The following ZDHHC4 variants were observed in gnomAD, a reference collection of about 807,000 sequenced individuals.
ZDHHC4 encodes palmitoyltransferase ZDHHC4.
In ZDHHC4, 42 loss-of-function variants were observed where a neutral mutation model predicts 36.7. That is an observed-to-expected ratio of 1.14 (90% CI 0.89 to 1.48). ZDHHC4 has a LOEUF of 1.48. ZDHHC4 is among the 40% of genes most tolerant of loss of function. The probability of loss-of-function intolerance (pLI) is 0.00; values close to 1 mark genes in which losing one functional copy is unlikely to be tolerated. For missense variants in ZDHHC4, 457 were observed against 421.5 expected (o/e 1.08, Z -0.74); for synonymous variants, 189 against 166.6 (o/e 1.13, Z -1.03).
At chr7:6,587,561 C>T (rs945055187) in intron 7 of ZDHHC4, among the ~76,000 whole-genome samples, 1 of 152,140 alleles carries the variant, frequency 6.6e-6, no homozygotes, top group Admixed American at 6.6e-5. Context: ...TTGTTTTTAC[C>T]CAAACAAGAT....
rs1185342185 is a variant in ZDHHC4, at chr7:6,583,369, T to C, written c.434T>C (p.Phe145Ser). The part of the protein sequence containing the change: ...LHVYEFDEVM[F>S]PKNVRCSTCD... ...GTTTATGAATTTGATGAAGTGATGT[T>C]TCCAAAGAACGTGAGGTGCTCTACT... The change falls in exon 6 of 8, where the codon TTT becomes TCT. Residue 145 changes from phenylalanine to serine, a missense_variant. Transcript: ENST00000335965. The C allele has an allele frequency of 6.2e-7, 1 of 1,613,926 alleles. No homozygotes were observed. The highest frequency in any genetic ancestry group is 8.5e-7 in the Non-Finnish European group (1 of 1,179,972).
At chr7:6,581,412 A>T (rs1304691227) in intron 3 of ZDHHC4, among the ~76,000 whole-genome samples, 195 bp from the exon 4 acceptor site, 1 of 152,204 alleles carries the variant, frequency 6.6e-6, no homozygotes, top group African/African-American at 2.4e-5. Flanking sequence ...CAGACTAGAA[A>T]TGGAGTTGGC....
At chr7:6,578,477 C>G (rs139144269) in intron 1 of ZDHHC4, 89 bp from the exon 2 acceptor site, 1 of 152,370 alleles carries the variant, frequency 6.6e-6, no homozygotes, top group East Asian at 1.9e-4. Context: ...TGAAAATCCC[C>G]TACTTCCAAA....
intron 2 of ZDHHC4, among the ~76,000 whole-genome samples, chr7:6,579,945 G>A (rs1159231343): frequency 6.6e-6 from 1 of 151,920 alleles, no homozygotes; most frequent in Non-Finnish European, 1.5e-5. Context: ...AGACCAGCCT[G>A]GCCAACATGG....
chr7:6,582,122 A>G lies in ZDHHC4; in HGVS notation c.241A>G (p.Thr81Ala), dbSNP rs1195421616. The G allele has an allele frequency of 1.9e-6, 3 of 1,614,214 alleles. No individual in the cohort carries two copies. Among genetic ancestry groups the G allele is most frequent in the Non-Finnish European group, 2.5e-6 (3 of 1,180,046 alleles). The stretch of plus-strand genomic sequence containing the variant: ...CCTGGTCTTGCAAGGGATGGTTTAT[A>G]CTGAGTACACCTGGGAAGTATTTGG... ...LHLVLQGMVY[T>A]EYTWEVFGYC... The change falls in exon 5 of 8, where the codon ACT becomes GCT. Residue 81 changes from threonine (T) to alanine (A), a missense_variant. Thr to Ala is a moderately conservative substitution (Grantham distance 58, BLOSUM62 0). Coordinates refer to ENST00000335965, the MANE Select transcript of ZDHHC4 (RefSeq NM_001134389.2).
Position 6,582,069 on chromosome 7 carries a change from T to G in ZDHHC4, c.192-4T>G. ...ATGAACAAGCCATGCCTGTTTTCTT[T>G]CAGAAACCACACCTTCATTGTCCTG... On this transcript the variant is annotated splice_polypyrimidine_tract_variant and splice_region_variant and intron_variant, in intron 4 of 7. Transcript: ENST00000335965. 6.2e-7 allele frequency: 1 copy of G among 1,609,600 alleles called. No homozygotes were observed. Among genetic ancestry groups the G allele is most frequent in the Non-Finnish European group, 8.5e-7 (1 of 1,176,884 alleles).
In ZDHHC4 at chr7:6,582,125, G is replaced by A. The variant is rs1780895924; in HGVS notation, c.244G>A (p.Glu82Lys). 9 of 1,614,040 alleles carry A rather than the reference G, an allele frequency of 5.6e-6. No individual in the cohort carries two copies. Among genetic ancestry groups the A allele is most frequent in the Non-Finnish European group, 7.6e-6 (9 of 1,180,052 alleles). ...HLVLQGMVYT[E>K]YTWEVFGYCQ... ...GGTCTTGCAAGGGATGGTTTATACTGAGTACACCTGGGAAGTATTTGGCTA... is the reference window on the plus strand; with the variant it reads ...GGTCTTGCAAGGGATGGTTTATACTAAGTACACCTGGGAAGTATTTGGCTA... Residue 82 changes from glutamate to lysine, a missense_variant, in exon 5 of 8, where the codon GAG becomes AAG. Glu to Lys is a moderately conservative substitution (Grantham distance 56). Coordinates refer to ENST00000335965, the MANE Select transcript of ZDHHC4 (RefSeq NM_001134389.2).
In ZDHHC4 at chr7:6,580,535, C is replaced by A. The variant is rs375823123; in HGVS notation, c.-7-20C>A. On this transcript the variant is annotated intron_variant, in intron 2 of 7. Coordinates refer to ENST00000335965, the MANE Select transcript of ZDHHC4 (RefSeq NM_001134389.2). ...AACCTTTCAGTAGCAGATAGTCACACTCTTTCTGTTCCTTTGTAGCTGCAG... is the reference window on the plus strand; with the variant it reads ...AACCTTTCAGTAGCAGATAGTCACAATCTTTCTGTTCCTTTGTAGCTGCAG... The A allele has an allele frequency of 3.1e-6, 5 of 1,598,908 alleles. No individual in the cohort carries two copies. Among genetic ancestry groups the A allele is most frequent in the Non-Finnish European group, 4.3e-6 (5 of 1,166,190 alleles).
intron 2 of ZDHHC4, among the ~76,000 whole-genome samples, chr7:6,579,335 G>A (rs1483684340): frequency 6.6e-6 from 1 of 151,930 alleles, no homozygotes; most frequent in Non-Finnish European, 1.5e-5. Flanking sequence ...TGAGTCGCTG[G>A]GATTACAGGC....
At chr7:6,580,725 T>C (rs747428152) in intron 3 of ZDHHC4, 47 bp downstream of exon 3, 16 of 1,566,896 alleles carry the variant, frequency 1.0e-5, no homozygotes, top group African/African-American at 1.4e-5. Flanking sequence ...ACTGTGTTAG[T>C]CTAAGAGACT....
chr7:6,581,746 T>G (rs1212718084), intron 4 of ZDHHC4, 66 bp downstream of exon 4: 62 of 1,334,420 alleles, frequency 4.6e-5, no homozygotes, highest in Non-Finnish European at 6.0e-5. Context: ...GTTGAGATCC[T>G]CTAGCTTCAG....
intron 6 of ZDHHC4, among the ~76,000 whole-genome samples, chr7:6,584,655 A>G (rs10236658): frequency 0.017 from 2,532 of 152,180 alleles, 61 homozygotes; most frequent in African/African-American, 0.058. Context: ...GTTTTTTGAG[A>G]TAGGGTCTCA....
chr7:6,587,947 C>A (rs532363659), intron 7 of ZDHHC4, among the ~76,000 whole-genome samples: 1 of 152,198 alleles, frequency 6.6e-6, no homozygotes, highest in African/African-American at 2.4e-5. Flanking sequence ...CTCACTGTAA[C>A]CTTCACCGCC....
rs1562541252 is a variant in ZDHHC4 at position 6,582,265 on chromosome 7, C to G, written c.370+14C>G. On this transcript the variant is annotated intron_variant, in intron 5 of 7. Coordinates refer to ENST00000335965, the MANE Select transcript of ZDHHC4 (RefSeq NM_001134389.2). ...GAACCAATCCTGGTAAGTTGAGGCTCTTAGCATACAGCATGGTGACAGCTC... is the reference window on the plus strand; with the variant it reads ...GAACCAATCCTGGTAAGTTGAGGCTGTTAGCATACAGCATGGTGACAGCTC... 8.7e-6 allele frequency: 14 copies of G among 1,612,468 alleles called. No homozygotes were observed. Among genetic ancestry groups the G allele is most frequent in the Non-Finnish European group, 1.1e-5 (13 of 1,178,864 alleles).
At chr7:6,583,924 G>A (rs766820399) in intron 6 of ZDHHC4, 1 of 149,060 alleles carries the variant, frequency 6.7e-6, no homozygotes, top group Non-Finnish European at 1.5e-5. Context: ...TACAAAAGAT[G>A]TAGTCCTGGC....
intron 5 of ZDHHC4, 25 bp downstream of exon 5, chr7:6,582,276 G>T: frequency 6.2e-7 from 1 of 1,606,352 alleles, no homozygotes. Context: ...TTAGCATACA[G>T]CATGGTGACA....
At chr7:6,577,691 G>C (rs969380168) in intron 1 of ZDHHC4, 193 bp downstream of exon 1, 7 of 152,292 alleles carry the variant, frequency 4.6e-5, no homozygotes, top group African/African-American at 1.7e-4. Context: ...CCAGCCCCCA[G>C]GGAAATCTCC....
chr7:6,588,589 T>C, intron 7 of ZDHHC4, 28 bp from the exon 8 acceptor site: 2 of 1,608,818 alleles, frequency 1.2e-6, no homozygotes, highest in Non-Finnish European at 1.7e-6. Context: ...TCCAGCTGCC[T>C]AAAGCACTAC....
chr7:6,580,536 T>C lies in ZDHHC4; in HGVS notation c.-7-19T>C. 1 of 1,601,404 alleles carries C rather than the reference T, an allele frequency of 6.2e-7. No individual in the cohort carries two copies. ...ACCTTTCAGTAGCAGATAGTCACAC[T>C]CTTTCTGTTCCTTTGTAGCTGCAGG... On this transcript the variant is annotated intron_variant, in intron 2 of 7. Coordinates refer to ENST00000335965, the MANE Select transcript of ZDHHC4 (RefSeq NM_001134389.2).
Sources: gnomAD v4.1 joint callset for allele counts (sites outside exome capture counted in the v4.1 genomes callset) on GRCh38, gnomAD v4.1.1 for gene constraint, MANE v1.5 for transcripts, NCBI Gene and HGNC (gene_info 2026-07-23, HGNC 2026-07-21) for gene names.